MAPK6: variants seen among roughly 807,000 people sequenced by gnomAD.
MAPK6 encodes ERK-3.
Under a neutral mutation model 59.3 loss-of-function variants are expected in MAPK6, and 19 were observed. That is an observed-to-expected ratio of 0.32 (90% CI 0.22 to 0.47). The LOEUF is 0.47. Ranked by LOEUF, MAPK6 falls within the 20% of genes least tolerant of loss-of-function variation. The probability of loss-of-function intolerance (pLI) is 1.00; values close to 1 mark genes in which losing one functional copy is unlikely to be tolerated. For missense variants in MAPK6, 724 were observed against 847.9 expected (o/e 0.85, Z 1.81); for synonymous variants, 316 against 290.3 (o/e 1.09, Z -0.90).
chr15:52,025,896 A>C (rs2030754547), intron 1 of MAPK6, among the ~76,000 whole-genome samples: 1 of 152,130 alleles, frequency 6.6e-6, no homozygotes, highest in Non-Finnish European at 1.5e-5. Context: ...AACTGGTTAG[A>C]CTCAGTTTAA....
In MAPK6 at chr15:52,058,800, A is replaced by G. The variant is rs369381381; in HGVS notation, c.865+3A>G. The G allele has an allele frequency of 5.0e-6, 8 of 1,607,362 alleles. No individual in the cohort carries two copies. Among genetic ancestry groups the G allele is most frequent in the Admixed American group, 1.7e-5 (1 of 59,328 alleles). On this transcript the variant is annotated splice_donor_region_variant and intron_variant, in intron 4 of 5. Transcript: ENST00000261845. Reference sequence around the variant, plus strand: ...GCTTCCAGGAATTAGTCGAGAAGGTATTGTGACTCGAGAGTAACCCTCACG... The same window carrying G: ...GCTTCCAGGAATTAGTCGAGAAGGTGTTGTGACTCGAGAGTAACCCTCACG...
intron 2 of MAPK6, among the ~76,000 whole-genome samples, chr15:51,986,623 A>T (rs1022245636): frequency 1.3e-5 from 2 of 152,198 alleles, no homozygotes; most frequent in African/African-American, 4.8e-5. Flanking sequence ...ACTGCTTAGG[A>T]AGCAATTTCT....
At chr15:51,997,923 CTCTTTCTT>C (rs201219333) in intron 2 of MAPK6, among the ~76,000 whole-genome samples, 87 of 131,230 alleles carry the variant, frequency 6.6e-4, no homozygotes, top group Middle Eastern at 3.6e-3. Context: ...TTCTTTCTTT[CTCTTTCTT>C]TCTTTCTTTC....
In MAPK6 at chr15:51,986,198, C is replaced by T. The variant is rs939811042; in HGVS notation, c.-770+2883C>T. Among the ~76,000 whole-genome samples the T allele has an allele frequency of 1.8e-4, 27 of 152,138 alleles. 1 individual carries two copies. Among genetic ancestry groups the T allele is most frequent in the Non-Finnish European group, 2.5e-4 (17 of 68,032 alleles). On this transcript the variant is annotated intron_variant, in intron 2 of 7. Coordinates refer to the MAPK6 transcript ENST00000691380. ...TACATACTTTTAAACAACCAGATTT[C>T]ATGAGAACTTACTAATTGTCATGAG...
intron 2 of MAPK6, among the ~76,000 whole-genome samples, chr15:51,994,666 A>C (rs2057219668): frequency 1.3e-5 from 2 of 152,230 alleles, no homozygotes; most frequent in South Asian, 4.1e-4. Context: ...ACAGTGGAAA[A>C]GTCTGGAAGA....
At chr15:51,993,605 T>C (rs2057216078) in intron 2 of MAPK6, among the ~76,000 whole-genome samples, 1 of 152,108 alleles carries the variant, frequency 6.6e-6, no homozygotes, top group African/African-American at 2.4e-5. Flanking sequence ...GATGTAGAAA[T>C]AAATATAGAT....
rs1452233604 is a variant in MAPK6 at position 52,001,987 on chromosome 15, T to G, written c.-769-2278T>G. 2.0e-5 allele frequency among the ~76,000 whole-genome samples: 3 copies of G among 152,318 alleles called. No homozygotes were observed. In the East Asian group the frequency reaches 5.8e-4, roughly 29 times the overall value. On this transcript the variant is annotated intron_variant, in intron 2 of 7. Coordinates refer to the MAPK6 transcript ENST00000691380. ...ATTTGGTTGGTAGTTTAATCTTCTT[T>G]GGAGTTTGGCTACACTGATGATTTA...
chr15:51,985,158 A>G (rs1422473144), intron 2 of MAPK6, among the ~76,000 whole-genome samples: 1 of 152,088 alleles, frequency 6.6e-6, no homozygotes, highest in Non-Finnish European at 1.5e-5. Flanking sequence ...GCTGGGGAAC[A>G]TAGTGAGACC....
Position 52,063,910 on chromosome 15 carries a change from A to G in MAPK6, c.1076A>G (p.Asp359Gly). ...SHIYNWERYH[D>G]CQFSEHDWPV... ...GTATTGATTTTTTTCAGGTATCATG[A>G]TTGTCAGTTTTCAGAGCATGATTGG... Residue 359 changes from aspartate to glycine, a missense_variant, in exon 6 of 6, where the codon GAT becomes GGT. This residue lies in a region of MAPK6 where 502 missense variants were observed against 507.6 expected (regional missense o/e 0.99). Coordinates refer to ENST00000261845, the MANE Select transcript of MAPK6 (RefSeq NM_002748.4). 6.5e-7 allele frequency: 1 copy of G among 1,537,420 alleles called. No homozygotes were observed. Among genetic ancestry groups the G allele is most frequent in the Non-Finnish European group, 8.7e-7 (1 of 1,143,318 alleles).
At position 52,030,603 on chromosome 15, in the gene MAPK6, G is replaced by A. The variant is rs1407835513; in HGVS notation, c.-632+11227G>A. 2.5e-5 allele frequency among the ~76,000 whole-genome samples: 3 copies of A among 119,724 alleles called. No individual in the cohort carries two copies. In the East Asian group the frequency reaches 8.9e-4, roughly 35 times the overall value. 78.5% of individuals were successfully genotyped at this position (119,724 alleles called of 152,430 possible). On this transcript the variant is annotated intron_variant, in intron 1 of 5. Transcript: ENST00000261845. Reference sequence around the variant, plus strand: ...TTGATGGTTGTGTTTTAGTTATGCAGAAGAAGGCTTTTTTTTTTTTTTTTT... The same window carrying A: ...TTGATGGTTGTGTTTTAGTTATGCAAAAGAAGGCTTTTTTTTTTTTTTTTT...
chr15:52,034,498 C>T (rs910105374), intron 1 of MAPK6, among the ~76,000 whole-genome samples: 3 of 151,814 alleles, frequency 2.0e-5, no homozygotes, highest in Admixed American at 2.0e-4. Context: ...TTTGTAGAGA[C>T]GGGGTTTCAC....
At chr15:52,053,884 G>A (rs904512603) in intron 3 of MAPK6, among the ~76,000 whole-genome samples, 4 of 151,608 alleles carry the variant, frequency 2.6e-5, no homozygotes, top group Non-Finnish European at 5.9e-5. Flanking sequence ...TGATCCACTC[G>A]CCTCAGCCTC....
chr15:52,041,617 T>C (rs1193341345), intron 1 of MAPK6, among the ~76,000 whole-genome samples: 2 of 152,224 alleles, frequency 1.3e-5, no homozygotes, highest in East Asian at 3.8e-4. Flanking sequence ...TTATATATGC[T>C]TTAGTCAGGC....
intron 1 of MAPK6, among the ~76,000 whole-genome samples, chr15:52,037,449 C>T (rs1017841270): frequency 3.3e-5 from 5 of 152,222 alleles, no homozygotes; most frequent in African/African-American, 9.7e-5. Flanking sequence ...TCTTGCATAT[C>T]TTCATTATAC....
intron 1 of MAPK6, among the ~76,000 whole-genome samples, chr15:52,024,029 A>G (rs1251674754): frequency 2.0e-5 from 3 of 152,180 alleles, no homozygotes; most frequent in African/African-American, 4.8e-5. Context: ...GATTTTCGTT[A>G]AATTTGGTAT....
chr15:52,009,922 G>A (rs981666035), intron 3 of MAPK6, among the ~76,000 whole-genome samples: 4 of 151,306 alleles, frequency 2.6e-5, no homozygotes, highest in South Asian at 2.1e-4. Context: ...ACAGGTGCCC[G>A]CCACCATGCC....
At position 51,997,277 on chromosome 15, in the gene MAPK6, A is replaced by ATTTTTTTTT. The variant is rs749427678; in HGVS notation, c.-769-6984_-769-6976dup. Among the ~76,000 whole-genome samples the ATTTTTTTTT allele has an allele frequency of 3.8e-4, 53 of 140,460 alleles. 1 individual carries two copies. The highest frequency in any genetic ancestry group is 1.3e-3 in the African/African-American group (50 of 37,732). The allele number at this position is 140,460 out of a possible 152,430, so 92.1% of individuals were successfully genotyped here. On this transcript the variant is annotated intron_variant, in intron 2 of 7. Coordinates refer to the MAPK6 transcript ENST00000691380. ...TTACAGTGAGCCACTGTGCCTAGCA[A>ATTTTTTTTT]TTTTTTTTTTTTGAAACAGAGTCTT...
chr15:52,049,922 T>G, intron 2 of MAPK6, 71 bp from the exon 3 acceptor site: 1 of 1,392,022 alleles, frequency 7.2e-7, no homozygotes, highest in East Asian at 2.3e-5. Flanking sequence ...AAATTAAGGA[T>G]TCTTTAATCA....
At chr15:52,007,023 A>G (rs1315184650) in intron 3 of MAPK6, among the ~76,000 whole-genome samples, 1 of 152,206 alleles carries the variant, frequency 6.6e-6, no homozygotes, top group African/African-American at 2.4e-5. Context: ...TTTAGCCCAT[A>G]TGCAGCTTGA....
Sources: allele counts gnomAD v4.1 joint callset (sites outside exome capture counted in the v4.1 genomes callset), GRCh38; gene constraint gnomAD v4.1.1; regional missense constraint gnomAD v4.1.1; transcripts MANE v1.5; gene names NCBI Gene and HGNC (gene_info 2026-07-23, HGNC 2026-07-21).